Variants in GALNTL6 observed in about 807,000 individuals in gnomAD.
GALNTL6 encodes polypeptide N-acetylgalactosaminyltransferase like 6.
In GALNTL6, 46 loss-of-function variants were observed where a neutral mutation model predicts 73.7. That is an observed-to-expected ratio of 0.62 (90% confidence interval 0.49 to 0.80). The LOEUF is 0.80. Ranked by LOEUF, GALNTL6 falls within the 30% of genes least tolerant of loss-of-function variation. The probability of loss-of-function intolerance (pLI) is 0.00; values close to 1 mark genes in which losing one functional copy is unlikely to be tolerated. For missense variants in GALNTL6, 604 were observed against 755.0 expected, an observed-to-expected ratio of 0.80 and a Z score of 2.34; for synonymous variants, 259 against 263.7, an observed-to-expected ratio of 0.98 and a Z score of 0.17.
At chr4:172,035,258 A>G (rs1326705558) in intron 2 of GALNTL6, among the ~76,000 whole-genome samples, 1 of 152,174 alleles carries the variant, frequency 6.6e-6, no homozygotes, top group East Asian at 1.9e-4. Flanking sequence ...AGACAAGTCC[A>G]TAATATCACT....
intron 5 of GALNTL6, among the ~76,000 whole-genome samples, chr4:172,721,390 G>A (rs969208938): frequency 6.6e-6 from 1 of 152,128 alleles, no homozygotes; most frequent in Non-Finnish European, 1.5e-5. Context: ...CTTCTTCTTA[G>A]CATGAATACC....
intron 3 of GALNTL6, among the ~76,000 whole-genome samples, chr4:172,283,710 G>A (rs1739144314): frequency 6.6e-6 from 1 of 152,034 alleles, no homozygotes; most frequent in Non-Finnish European, 1.5e-5. Context: ...TGAATATAAT[G>A]CCATATTTCT....
chr4:172,946,124 C>CGTGTGTGTGT, intron 9 of GALNTL6, among the ~76,000 whole-genome samples: 1 of 148,534 alleles, frequency 6.7e-6, no homozygotes, highest in South Asian at 2.2e-4. Flanking sequence ...GGGGAAAAAG[C>CGTGTGTGTGT]GTGTGTGTGT....
intron 2 of GALNTL6, among the ~76,000 whole-genome samples, chr4:172,074,288 T>C (rs1315094895): frequency 6.6e-6 from 1 of 152,190 alleles, no homozygotes; most frequent in Non-Finnish European, 1.5e-5. Flanking sequence ...CAGGTATCAT[T>C]GAGTATTGCA....
intron 3 of GALNTL6, among the ~76,000 whole-genome samples, chr4:172,279,866 A>G (rs1442687772): frequency 6.6e-6 from 1 of 152,176 alleles, no homozygotes; most frequent in Non-Finnish European, 1.5e-5. Flanking sequence ...AAAATTGTAG[A>G]CTATCCACAC....
intron 10 of GALNTL6, among the ~76,000 whole-genome samples, chr4:172,962,377 A>C (rs1579714469): frequency 6.6e-6 from 1 of 152,216 alleles, no homozygotes; most frequent in South Asian, 2.1e-4. Context: ...AATACTATTA[A>C]CTAAACAAGA....
At chr4:172,986,329 A>G (rs1313940045) in intron 10 of GALNTL6, among the ~76,000 whole-genome samples, 1 of 152,196 alleles carries the variant, frequency 6.6e-6, no homozygotes, top group East Asian at 1.9e-4. Context: ...TGATGTTAGT[A>G]CTCTCATCCA....
chr4:171,972,550 T>C (rs527464452), intron 2 of GALNTL6, among the ~76,000 whole-genome samples: 1 of 152,202 alleles, frequency 6.6e-6, no homozygotes, highest in South Asian at 2.1e-4. Flanking sequence ...AAATTATACC[T>C]GGTCATATAA....
Position 172,369,535 on chromosome 4 carries a change from C to T in GALNTL6, c.553+20846C>T, listed in dbSNP as rs374619352. Reference sequence around the variant, plus strand: ...CCGCGGAGCAGGGGGTGGCACCCGTCGGGGAGGTTCAGGCTGCATGGGAGC... The same window carrying T: ...CCGCGGAGCAGGGGGTGGCACCCGTTGGGGAGGTTCAGGCTGCATGGGAGC... On this transcript the variant is annotated intron_variant, in intron 5 of 12. Coordinates refer to ENST00000506823, the MANE Select transcript of GALNTL6 (RefSeq NM_001034845.3). 6.9e-4 allele frequency among the ~76,000 whole-genome samples: 105 copies of T among 152,228 alleles called. 2 individuals carry two copies. Among genetic ancestry groups the T allele is most frequent in the Middle Eastern group, 3.4e-3 (1 of 294 alleles).
chr4:171,850,366 G>A (rs1019123532), intron 2 of GALNTL6, among the ~76,000 whole-genome samples: 4 of 152,184 alleles, frequency 2.6e-5, no homozygotes, highest in Non-Finnish European at 4.4e-5. Flanking sequence ...CATGGTCAGC[G>A]ATCTTAGGAG....
intron 2 of GALNTL6, among the ~76,000 whole-genome samples, chr4:171,852,092 G>A (rs1735538006): frequency 6.6e-6 from 1 of 152,098 alleles, no homozygotes; most frequent in African/African-American, 2.4e-5. Flanking sequence ...GTTTAGAGTA[G>A]GAATATATCA....
At chr4:172,257,109 G>T (rs1393062373) in intron 3 of GALNTL6, among the ~76,000 whole-genome samples, 1 of 151,282 alleles carries the variant, frequency 6.6e-6, no homozygotes, top group Non-Finnish European at 1.5e-5. Context: ...AATAGGGCAA[G>T]TTTTTCAAAA....
At chr4:172,017,393 A>C (rs1384458697) in intron 2 of GALNTL6, among the ~76,000 whole-genome samples, 1 of 151,942 alleles carries the variant, frequency 6.6e-6, no homozygotes, top group Non-Finnish European at 1.5e-5. Flanking sequence ...ATGGATCTGG[A>C]GTGTGCTCCT....
intron 5 of GALNTL6, among the ~76,000 whole-genome samples, chr4:172,554,147 C>T (rs1736060724): frequency 6.6e-6 from 1 of 152,174 alleles, no homozygotes; most frequent in Non-Finnish European, 1.5e-5. Flanking sequence ...AATTCTAACT[C>T]CCACCCCAAC....
At chr4:172,776,011 C>T (rs1208479378) in intron 5 of GALNTL6, among the ~76,000 whole-genome samples, 1 of 152,076 alleles carries the variant, frequency 6.6e-6, no homozygotes, top group Non-Finnish European at 1.5e-5. Flanking sequence ...CCCCAACTAA[C>T]CCTCTAGATG....
At chr4:172,109,826 G>A (rs1732799505) in intron 2 of GALNTL6, among the ~76,000 whole-genome samples, 1 of 152,182 alleles carries the variant, frequency 6.6e-6, no homozygotes, top group Admixed American at 6.5e-5. Flanking sequence ...ATGGATCTTA[G>A]TCCATTGGCT....
rs974802216 is a variant in GALNTL6 at position 172,070,725 on chromosome 4, A to G, written c.139-158931A>G. Reference sequence around the variant, plus strand: ...ATAGTCTGTTATAGCAACAGAAAACAAAGTAAGACAGATAGTAAAAAAGAT... The same window carrying G: ...ATAGTCTGTTATAGCAACAGAAAACGAAGTAAGACAGATAGTAAAAAAGAT... On this transcript the variant is annotated intron_variant, in intron 2 of 12. Transcript: ENST00000506823. 3.6e-5 allele frequency among the ~76,000 whole-genome samples: 4 copies of G among 110,318 alleles called. No homozygotes were observed. In the East Asian group the frequency reaches 8.3e-4, roughly 23 times the overall value. The allele number at this position is 110,318 out of a possible 152,430, so 72.4% of individuals were successfully genotyped here. A position where few individuals can be genotyped will look rare whatever the true frequency, so the allele number is the denominator to read the frequency against.
chr4:172,616,628 G>A (rs995039238), intron 5 of GALNTL6, among the ~76,000 whole-genome samples: 4 of 146,466 alleles, frequency 2.7e-5, no homozygotes, highest in Non-Finnish European at 5.9e-5. Context: ...GGGAAAAGAA[G>A]GCTTGGTCTA....
chr4:172,768,143 A>G (rs1738551839), intron 5 of GALNTL6, among the ~76,000 whole-genome samples: 2 of 152,188 alleles, frequency 1.3e-5, no homozygotes, highest in Admixed American at 1.3e-4. Context: ...AGTCTATCCT[A>G]TTTTATTGAT....
Sources: allele counts gnomAD v4.1 joint callset (sites outside exome capture counted in the v4.1 genomes callset), GRCh38; gene constraint gnomAD v4.1.1; transcripts MANE v1.5; gene names NCBI Gene and HGNC (gene_info 2026-07-23, HGNC 2026-07-21).